OSBPL5: variants seen among roughly 807,000 people sequenced by gnomAD.
OSBPL5 encodes oxysterol-binding protein-related protein 5.
Under a neutral mutation model 111.2 loss-of-function variants are expected in OSBPL5, and 71 were observed. The observed-to-expected ratio is 0.64, with a 90% CI of 0.53 to 0.78. OSBPL5 has a LOEUF of 0.78. Among genes scored for constraint, OSBPL5 ranks in the 30% least tolerant of loss-of-function variants. The probability of loss-of-function intolerance (pLI) is 0.00; values close to 1 mark genes in which losing one functional copy is unlikely to be tolerated. For synonymous variants in OSBPL5, 549 were observed against 513.9 expected (o/e 1.07, Z -0.93); for missense variants, 1,210 against 1,189.3 (o/e 1.02, Z -0.26).
chr11:3,119,102 C>T (rs569422698), intron 7 of OSBPL5, among the ~76,000 whole-genome samples: 10 of 152,042 alleles, frequency 6.6e-5, no homozygotes, highest in East Asian at 1.9e-4. Context: ...TTCCATCTCC[C>T]GGGTTCAAGC....
At chr11:3,097,116 G>A (rs1382773944) in intron 14 of OSBPL5, among the ~76,000 whole-genome samples, 928 of 40,060 alleles carry the variant, frequency 0.023, no homozygotes, top group African/African-American at 0.026. Flanking sequence ...GGAGGAGGAG[G>A]AGAGGAAAGA....
intron 4 of OSBPL5, 101 bp downstream of exon 4, chr11:3,122,247 T>C: frequency 7.2e-7 from 1 of 1,393,834 alleles, no homozygotes; most frequent in Admixed American, 2.0e-5. Flanking sequence ...CAGGTGCGGT[T>C]TGTCCCCTCC....
At chr11:3,108,068 AC>A in intron 7 of OSBPL5, 123 bp from the exon 8 acceptor site, 2 of 1,302,766 alleles carry the variant, frequency 1.5e-6, no homozygotes, top group Non-Finnish European at 2.1e-6. Context: ...TCCATCCCAG[AC>A]CCACCCCTGG....
intron 1 of OSBPL5, among the ~76,000 whole-genome samples, chr11:3,137,985 A>G (rs1845996044): frequency 6.6e-6 from 1 of 152,224 alleles, no homozygotes; most frequent in South Asian, 2.1e-4. Context: ...GACATTTATC[A>G]GAGGCAGCTG....
intron 1 of OSBPL5, among the ~76,000 whole-genome samples, chr11:3,138,913 C>T (rs1430134210): frequency 2.6e-5 from 4 of 152,246 alleles, no homozygotes; most frequent in East Asian, 1.9e-4. Context: ...TGGAGCCAGG[C>T]GTGTGGGCAA....
intron 1 of OSBPL5, among the ~76,000 whole-genome samples, chr11:3,159,492 C>G (rs2134565083): frequency 6.6e-6 from 1 of 152,306 alleles, no homozygotes; most frequent in Non-Finnish European, 1.5e-5. Context: ...TACTATGGTC[C>G]CTGCTCTACA....
At chr11:3,090,506 C>A (rs1857018465) in intron 20 of OSBPL5, 52 bp downstream of exon 20, 1 of 1,588,192 alleles carries the variant, frequency 6.3e-7, no homozygotes, top group South Asian at 1.1e-5. Context: ...AGGTCAGCAT[C>A]TGAGGCACCC....
intron 1 of OSBPL5, among the ~76,000 whole-genome samples, chr11:3,147,675 TG>T (rs1387570821): frequency 3.3e-5 from 5 of 152,240 alleles, no homozygotes; most frequent in Admixed American, 2.6e-4. Flanking sequence ...CAATATCTGC[TG>T]GAAGAGAGGC....
chr11:3,156,610 T>C (rs79456598), intron 1 of OSBPL5, among the ~76,000 whole-genome samples: 1,837 of 152,288 alleles, frequency 0.012, 40 homozygotes, highest in African/African-American at 0.042. Flanking sequence ...CTAAAGCAAA[T>C]ACAAGCCAGG....
chr11:3,093,998 C>T (rs567980643), intron 15 of OSBPL5, among the ~76,000 whole-genome samples, 163 bp from the exon 16 acceptor site: 13 of 152,288 alleles, frequency 8.5e-5, no homozygotes, highest in South Asian at 4.1e-4. Context: ...CCCACGCCTC[C>T]GCTCAAGGAT....
At position 3,146,004 on chromosome 11, in the gene OSBPL5, C is replaced by T. The variant is rs201921363; in HGVS notation, c.-21-16835G>A. On this transcript the variant is annotated intron_variant, in intron 1 of 21. Transcript: ENST00000263650. This position sits in a 1 kb window ranked among gnomAD's most constrained non-coding sequence, Gnocchi z 7.8. ...CCACCCTCAGCTGCCGTTCCACTTG[C>T]GGATGGGAGGATTCACCTGGGGGCC... Among the ~76,000 whole-genome samples, 138 of 152,278 alleles carry T rather than the reference C, an allele frequency of 9.1e-4. No individual in the cohort carries two copies. Among genetic ancestry groups the T allele is most frequent in the South Asian group, 6.8e-3 (33 of 4,820 alleles).
rs1369165903 is a variant in OSBPL5, at chr11:3,161,514, G to T, written c.-22+3702C>A. 6.6e-6 allele frequency: 1 copy of T among 152,250 alleles called. No individual in the cohort carries two copies. Among genetic ancestry groups the T allele is most frequent in the African/African-American group, 2.4e-5 (1 of 41,448 alleles). The allele number at this position is 152,250 out of a possible 1,614,324, so 9.4% of individuals were successfully genotyped here. A position where few individuals can be genotyped will look rare whatever the true frequency, so the allele number is the denominator to read the frequency against. On this transcript the variant is annotated intron_variant, in intron 1 of 21. Transcript: ENST00000263650. This position sits in a 1 kb window ranked among gnomAD's most constrained non-coding sequence, Gnocchi z 8.0. ...CTCCCTGGGATGAGACAGTATGACG[G>T]CTTTCCACATGTGCCTCACTTAACC...
At chr11:3,131,120 G>C (rs1453325977) in intron 1 of OSBPL5, among the ~76,000 whole-genome samples, 1 of 152,118 alleles carries the variant, frequency 6.6e-6, no homozygotes, top group African/African-American at 2.4e-5. Flanking sequence ...CTGTCTGGCT[G>C]TCTGCTCCAG....
chr11:3,157,327 G>A (rs1477043780), intron 1 of OSBPL5, among the ~76,000 whole-genome samples: 1 of 152,186 alleles, frequency 6.6e-6, no homozygotes, highest in Non-Finnish European at 1.5e-5. Context: ...GATAAGGAAG[G>A]AGCCTGGACT....
At chr11:3,157,586 C>T (rs1410780557) in intron 1 of OSBPL5, among the ~76,000 whole-genome samples, 1 of 152,244 alleles carries the variant, frequency 6.6e-6, no homozygotes, top group African/African-American at 2.4e-5. Flanking sequence ...GCCCTGTGCT[C>T]AGCAGGTGGG....
chr11:3,149,541 G>A (rs1239706645), intron 1 of OSBPL5, among the ~76,000 whole-genome samples: 5 of 152,210 alleles, frequency 3.3e-5, no homozygotes, highest in Non-Finnish European at 7.3e-5. Context: ...TGCCGCCCGC[G>A]CAGGCCGTGG....
chr11:3,164,562 C>A (rs1847055033), intron 1 of OSBPL5: 1 of 152,620 alleles, frequency 6.6e-6, no homozygotes. Flanking sequence ...GCACAAGACC[C>A]TCTTGAGGAC....
intron 11 of OSBPL5, among the ~76,000 whole-genome samples, 197 bp downstream of exon 11, chr11:3,103,042 C>T (rs528677672): frequency 1.3e-5 from 2 of 152,290 alleles, no homozygotes; most frequent in African/African-American, 4.8e-5. Context: ...CTGAGCCATC[C>T]AGGGCCCCAA....
chr11:3,149,509 C>A (rs1846493703), intron 1 of OSBPL5, among the ~76,000 whole-genome samples: 1 of 152,236 alleles, frequency 6.6e-6, no homozygotes, highest in Non-Finnish European at 1.5e-5. Context: ...CTTCCCCTGC[C>A]CATGTGTGCC....
Sources: gnomAD v4.1 joint callset for allele counts (sites outside exome capture counted in the v4.1 genomes callset) on GRCh38, gnomAD v4.1.1 for gene constraint, Gnocchi (gnomAD v3.1) non-coding constraint, MANE v1.5 for transcripts, NCBI Gene and HGNC (gene_info 2026-07-23, HGNC 2026-07-21) for gene names.